PCDHGA2: variants seen among roughly 807,000 people sequenced by gnomAD.
The protein encoded by PCDHGA2 is protocadherin gamma subfamily A, 2.
In PCDHGA2, 40 loss-of-function variants were observed where a neutral mutation model predicts 59.2. The observed-to-expected ratio is 0.68, with a 90% CI of 0.52 to 0.88. The LOEUF is 0.88. Among genes scored for constraint, PCDHGA2 ranks in the 40% least tolerant of loss-of-function variants. The pLI is 0.00. For synonymous variants in PCDHGA2, 560 were observed against 526.0 expected (o/e 1.06, Z -0.89); for missense variants, 1,226 against 1,204.0 (o/e 1.02, Z -0.27).
rs765634746 is a variant in PCDHGA2 at position 141,418,621 on chromosome 5, C to A, written c.2425-76186C>A. On this transcript the variant is annotated intron_variant, in intron 1 of 3. Transcript: ENST00000394576. Reference sequence around the variant, plus strand: ...TGTACAGGGTTAGCCTTCGGGAAGACGTGCCTCCAGGCACCTCCATCCTGA... The same window carrying A: ...TGTACAGGGTTAGCCTTCGGGAAGAAGTGCCTCCAGGCACCTCCATCCTGA... 8 of 1,614,034 alleles carry A rather than the reference C, an allele frequency of 5.0e-6. No individual in the cohort carries two copies. The East Asian group carries it at 1.8e-4, about 36-fold the overall frequency.
intron 1 of PCDHGA2, chr5:141,372,285 A>C (rs1588702702): frequency 6.2e-7 from 1 of 1,613,032 alleles, no homozygotes; most frequent in Non-Finnish European, 8.5e-7. Flanking sequence ...CACGGCGCGT[A>C]CCTTGGGCGA....
In PCDHGA2 at chr5:141,431,321, G is replaced by A. The variant is rs112186927; in HGVS notation, c.2425-63486G>A. The A allele has an allele frequency of 1.2e-6, 2 of 1,613,938 alleles. No individual in the cohort carries two copies. The highest frequency in any genetic ancestry group is 1.3e-5 in the African/African-American group (1 of 74,910). ...CCTCATCGTGCAAAATGGAGCCGAC[G>A]GTAGTAAGTACCCCGAATTGGTGCT... is the stretch of plus-strand genomic sequence containing the variant. On this transcript the variant is annotated intron_variant, in intron 1 of 3. Transcript: ENST00000394576. The surrounding 1 kb of genome is among the most constrained non-coding windows in gnomAD (Gnocchi z 4.8).
intron 1 of PCDHGA2, among the ~76,000 whole-genome samples, chr5:141,401,288 G>A (rs973425272): frequency 1.3e-5 from 2 of 152,094 alleles, no homozygotes; most frequent in Non-Finnish European, 2.9e-5. Flanking sequence ...GTTGCGGTGA[G>A]CCGAGATCAC....
In PCDHGA2 at chr5:141,403,922, G is replaced by A. The variant is rs770450211; in HGVS notation, c.2424+62527G>A. ...TGAAATGGAAATACAAGCTGAAGAT[G>A]GTGGGGGATTGAAAGGGTGGACAAA... On this transcript the variant is annotated intron_variant, in intron 1 of 3. Transcript: ENST00000394576. 6.2e-6 allele frequency: 10 copies of A among 1,613,904 alleles called. No individual in the cohort carries two copies. The East Asian group carries it at 2.2e-4, about 36-fold the overall frequency.
intron 1 of PCDHGA2, among the ~76,000 whole-genome samples, chr5:141,435,017 C>T (rs1477938779): frequency 1.3e-5 from 2 of 151,994 alleles, no homozygotes; most frequent in Middle Eastern, 3.2e-3. Flanking sequence ...AATGATAATG[C>T]TCTTTTCCCA....
chr5:141,348,513 G>A (rs1460641115), intron 1 of PCDHGA2, among the ~76,000 whole-genome samples: 4 of 152,098 alleles, frequency 2.6e-5, no homozygotes, highest in Admixed American at 6.5e-5. Context: ...GCTGTGTCAG[G>A]GGAAATTTGG....
intron 1 of PCDHGA2, chr5:141,372,338 T>A: frequency 6.2e-7 from 1 of 1,613,820 alleles, no homozygotes; most frequent in South Asian, 1.1e-5. Flanking sequence ...CTGTGCGTGA[T>A]GGAGGACAGC....
chr5:141,428,297 T>G (rs2097131311), intron 1 of PCDHGA2: 5 of 712,160 alleles, frequency 7.0e-6, no homozygotes, highest in Non-Finnish European at 1.2e-5. Flanking sequence ...AAGCTGCAGA[T>G]TTACCTGGTC....
In PCDHGA2 at chr5:141,341,410, CACA is replaced by C; in HGVS notation, c.2424+19_2424+21del. 1 of 1,614,122 alleles carries C rather than the reference CACA, an allele frequency of 6.2e-7. No individual in the cohort carries two copies. The highest frequency in any genetic ancestry group is 2.2e-5 in the East Asian group (1 of 44,888). On this transcript the variant is annotated intron_variant, in intron 1 of 3. Transcript: ENST00000394576. ...CGTTTTCTCAGGTAATCTATCTTTT[CACA>C]ACATACGTACTAGCTAGTTTGCTGA...
intron 1 of PCDHGA2, chr5:141,389,992 T>A: frequency 6.2e-7 from 1 of 1,614,010 alleles, no homozygotes. Context: ...CTCTTCCTCG[T>A]GGCCATGATT....
intron 1 of PCDHGA2, chr5:141,426,320 G>A (rs2096927622): frequency 1.1e-5 from 2 of 175,034 alleles, no homozygotes; most frequent in South Asian, 1.3e-4. Context: ...AGCAGGACCC[G>A]GCAGTGGCAA....
intron 2 of PCDHGA2, among the ~76,000 whole-genome samples, chr5:141,495,262 A>G (rs550950979): frequency 1.3e-5 from 2 of 152,246 alleles, no homozygotes; most frequent in South Asian, 2.1e-4. Flanking sequence ...GCAGAAAAGC[A>G]TTTGACCGGA....
intron 1 of PCDHGA2, among the ~76,000 whole-genome samples, chr5:141,401,348 A>G (rs1312849099): frequency 2.0e-5 from 3 of 152,220 alleles, no homozygotes; most frequent in African/African-American, 4.8e-5. Flanking sequence ...ATCTCAAAAA[A>G]AAGGAAGGAG....
At chr5:141,345,394 A>T (rs900334527) in intron 1 of PCDHGA2, 1 of 1,613,930 alleles carries the variant, frequency 6.2e-7, no homozygotes, top group Non-Finnish European at 8.5e-7. Context: ...ACCTTCCCTC[A>T]TTTATCCTAC....
intron 1 of PCDHGA2, chr5:141,366,250 G>A (rs1476743784): frequency 6.2e-7 from 1 of 1,613,746 alleles, no homozygotes; most frequent in Non-Finnish European, 8.5e-7. Flanking sequence ...CGCTCAAGCA[G>A]AGCCTCGTGG....
intron 2 of PCDHGA2, among the ~76,000 whole-genome samples, chr5:141,499,010 AAGG>A (rs2099788390): frequency 6.6e-6 from 1 of 151,098 alleles, no homozygotes; most frequent in Non-Finnish European, 1.5e-5. Context: ...GGAAGGAAGG[AAGG>A]AAGGAAGGAA....
chr5:141,488,939 T>C (rs1229571704), intron 1 of PCDHGA2, among the ~76,000 whole-genome samples: 1 of 152,114 alleles, frequency 6.6e-6, no homozygotes, highest in Non-Finnish European at 1.5e-5. Context: ...GGAAACTCCA[T>C]AATTGGTTGA....
chr5:141,345,318 A>G, intron 1 of PCDHGA2: 1 of 1,613,980 alleles, frequency 6.2e-7, no homozygotes, highest in Middle Eastern at 1.6e-4. Context: ...AGATGGGGGA[A>G]GCCCGCCACT....
In PCDHGA2 at chr5:141,365,508, A is replaced by G. The variant is rs781290416; in HGVS notation, c.2424+24113A>G. On this transcript the variant is annotated intron_variant, in intron 1 of 3. Transcript: ENST00000394576. Reference sequence around the variant, plus strand: ...TCTATTCCTAGGAATTTGCCTTTTAAATTGGAGAAGTCAGTTGATAATTAC... The same window carrying G: ...TCTATTCCTAGGAATTTGCCTTTTAGATTGGAGAAGTCAGTTGATAATTAC... The G allele has an allele frequency of 2.2e-5, 35 of 1,613,930 alleles. No homozygotes were observed. The South Asian group carries it at 3.8e-4, about 18-fold the overall frequency.
Sources: allele counts gnomAD v4.1 joint callset (sites outside exome capture counted in the v4.1 genomes callset), GRCh38; gene constraint gnomAD v4.1.1; non-coding constraint Gnocchi (gnomAD v3.1); transcripts MANE v1.5; gene names NCBI Gene and HGNC (gene_info 2026-07-23, HGNC 2026-07-21).